VPS13B: variants seen among roughly 807,000 people sequenced by gnomAD.
VPS13B encodes the protein vacuolar protein sorting 13 homolog B.
VPS13B carries 285 observed loss-of-function variants against 426.4 expected under a neutral mutation model. The observed-to-expected ratio is 0.67, with a 90% CI of 0.61 to 0.74. The LOEUF (loss-of-function observed/expected upper bound fraction) is 0.74. Among genes scored for constraint, VPS13B ranks in the 30% least tolerant of loss-of-function variants. The pLI is 0.00. For missense variants in VPS13B, 4,537 were observed against 4,782.6 expected (o/e 0.95, Z 1.51); for synonymous variants, 1,676 against 1,676.4 (o/e 1.00, Z 0.01).
chr8:99,255,088 CTGT>C (rs2132933150), intron 17 of VPS13B, among the ~76,000 whole-genome samples: 1 of 149,326 alleles, frequency 6.7e-6, no homozygotes, highest in South Asian at 2.1e-4. Context: ...TGGGTAATTT[CTGT>C]TGTTCCCTCT....
At chr8:99,540,343 G>C (rs1823548077) in intron 30 of VPS13B, among the ~76,000 whole-genome samples, 1 of 151,528 alleles carries the variant, frequency 6.6e-6, no homozygotes, top group Non-Finnish European at 1.5e-5. Context: ...CCTCCCAAAA[G>C]TGCTGAGATT....
At chr8:99,014,916 T>G (rs1314478254) in intron 2 of VPS13B, among the ~76,000 whole-genome samples, 4 of 152,122 alleles carry the variant, frequency 2.6e-5, no homozygotes, top group Non-Finnish European at 5.9e-5. Context: ...ATTAGTAACA[T>G]GCCAAGAAAT....
chr8:99,244,856 G>A (rs1245801672), intron 17 of VPS13B, among the ~76,000 whole-genome samples: 1 of 152,188 alleles, frequency 6.6e-6, no homozygotes, highest in African/African-American at 2.4e-5. Context: ...CCTCATGACT[G>A]AAGATAGACA....
chr8:99,166,921 G>A (rs1363696444), intron 15 of VPS13B, among the ~76,000 whole-genome samples: 1 of 152,074 alleles, frequency 6.6e-6, no homozygotes, highest in Admixed American at 6.5e-5. Flanking sequence ...GAGAAAGATT[G>A]TTTATTTTTC....
At chr8:99,053,772 A>G (rs1195794231) in intron 3 of VPS13B, among the ~76,000 whole-genome samples, 1 of 146,210 alleles carries the variant, frequency 6.8e-6, no homozygotes, top group African/African-American at 2.5e-5. Flanking sequence ...GTACAGTTCC[A>G]GTTCACTTCA....
chr8:99,251,409 A>G (rs1446515347), intron 17 of VPS13B, among the ~76,000 whole-genome samples: 1 of 151,904 alleles, frequency 6.6e-6, no homozygotes, highest in East Asian at 1.9e-4. Flanking sequence ...TTTTTGCATC[A>G]GTTGATACTG....
chr8:99,348,582 G>A (rs748497293), intron 19 of VPS13B, among the ~76,000 whole-genome samples: 53 of 152,122 alleles, frequency 3.5e-4, no homozygotes, highest in Non-Finnish European at 6.5e-4. Flanking sequence ...TATTCTAAAA[G>A]TCAAATATGG....
chr8:99,598,382 C>G (rs919530975), intron 33 of VPS13B, among the ~76,000 whole-genome samples: 8 of 151,998 alleles, frequency 5.3e-5, no homozygotes, highest in Admixed American at 4.6e-4. Flanking sequence ...TTTTCAGAAG[C>G]TACAATTGTT....
At chr8:99,276,854 A>C (rs559883819) in intron 19 of VPS13B, among the ~76,000 whole-genome samples, 3 of 152,266 alleles carry the variant, frequency 2.0e-5, no homozygotes, top group African/African-American at 7.2e-5. Context: ...TTTGATACCT[A>C]AGAAGAGATT....
intron 19 of VPS13B, among the ~76,000 whole-genome samples, chr8:99,323,083 G>T (rs16897249): frequency 0.033 from 5,090 of 152,320 alleles, 126 homozygotes; most frequent in East Asian, 0.085. Context: ...GGGGTAGACA[G>T]GCTTGGCCAG....
chr8:99,310,635 G>C (rs544742010), intron 19 of VPS13B, among the ~76,000 whole-genome samples: 2 of 152,220 alleles, frequency 1.3e-5, no homozygotes, highest in South Asian at 4.1e-4. Context: ...CAGGGATATT[G>C]GTCTAAAATT....
At chr8:99,364,579 T>C (rs1812742313) in intron 19 of VPS13B, among the ~76,000 whole-genome samples, 1 of 152,040 alleles carries the variant, frequency 6.6e-6, no homozygotes, top group African/African-American at 2.4e-5. Flanking sequence ...ACTACAGACA[T>C]GTGCTACCAT....
At chr8:99,108,444 G>A (rs1847170299) in intron 5 of VPS13B, among the ~76,000 whole-genome samples, 1 of 152,044 alleles carries the variant, frequency 6.6e-6, no homozygotes, top group South Asian at 2.1e-4. Flanking sequence ...ATCTCGAGTT[G>A]ATTTTTTTAA....
intron 37 of VPS13B, among the ~76,000 whole-genome samples, chr8:99,718,318 C>T (rs745316994): frequency 2.0e-5 from 3 of 151,748 alleles, no homozygotes; most frequent in Non-Finnish European, 4.4e-5. Flanking sequence ...ATTATTAATA[C>T]AAAGTAGTCA....
chr8:99,311,848 G>A (rs1390986701), intron 19 of VPS13B, among the ~76,000 whole-genome samples: 1 of 152,158 alleles, frequency 6.6e-6, no homozygotes, highest in Non-Finnish European at 1.5e-5. Context: ...ATGAATCTGT[G>A]TGCTCCTGTA....
At chr8:99,057,004 A>T (rs139256790) in intron 3 of VPS13B, among the ~76,000 whole-genome samples, 1 of 151,860 alleles carries the variant, frequency 6.6e-6, no homozygotes, top group Admixed American at 6.6e-5. Flanking sequence ...CATATGTTTA[A>T]TTTTTTATTT....
At chr8:99,101,157 A>G (rs1007321276) in intron 4 of VPS13B, among the ~76,000 whole-genome samples, 1 of 151,990 alleles carries the variant, frequency 6.6e-6, no homozygotes, top group African/African-American at 2.4e-5. Flanking sequence ...TTTTAGATGG[A>G]GTCTTGCTCT....
At position 99,135,024 on chromosome 8, in the gene VPS13B, A is replaced by T. The variant is rs1433255654; in HGVS notation, c.1312A>T (p.Met438Leu). The change falls in exon 10 of 62, where the codon ATG becomes TTG. Residue 438 changes from methionine to leucine, a missense_variant. This residue lies in a region of VPS13B where 4,311 missense variants were observed against 4,474.3 expected (regional missense o/e 0.96). Coordinates refer to ENST00000357162, the MANE Select transcript of VPS13B (RefSeq NM_152564.5). Reference protein sequence around the residue: ...QEGTTVEALMMGEPFFDCQIG... With the variant: ...QEGTTVEALMLGEPFFDCQIG... ...TCCTTTCGTCTTATAGGCCCTTATG[A>T]TGGGAGAACCTTTCTTTGATTGCCA... The T allele has an allele frequency of 1.2e-6, 2 of 1,613,484 alleles. No homozygotes were observed. Among genetic ancestry groups the T allele is most frequent in the East Asian group, 2.2e-5 (1 of 44,838 alleles).
intron 2 of VPS13B, among the ~76,000 whole-genome samples, chr8:99,021,399 G>T (rs1269807364): frequency 6.6e-6 from 1 of 152,120 alleles, no homozygotes; most frequent in Non-Finnish European, 1.5e-5. Flanking sequence ...GAGGCGGGTG[G>T]ATCACGATGT....
Sources: gnomAD v4.1 joint callset for allele counts (sites outside exome capture counted in the v4.1 genomes callset) on GRCh38, gnomAD v4.1.1 for gene constraint, gnomAD v4.1.1 regional missense constraint, MANE v1.5 for transcripts, NCBI Gene and HGNC (gene_info 2026-07-23, HGNC 2026-07-21) for gene names.